Variants in IDUA observed in about 807,000 individuals in gnomAD.
The protein encoded by IDUA is iduronidase alpha-L-.
IDUA carries 65 observed loss-of-function variants against 68.9 expected under a neutral mutation model. The ratio of observed to expected loss-of-function variants is 0.94; its 90% CI spans 0.77 to 1.16. The LOEUF is 1.16. Among genes scored for constraint, IDUA ranks in the 50% most tolerant of loss-of-function variants. The probability of loss-of-function intolerance (pLI) is 0.00; values close to 1 mark genes in which losing one functional copy is unlikely to be tolerated. For missense variants in IDUA, 1,046 were observed against 938.0 expected (o/e 1.12, Z -1.50); for synonymous variants, 529 against 433.6 (o/e 1.22, Z -2.73).
At chr4:1,001,369 C>G (rs1715060861) in intron 4 of IDUA, 99 bp from the exon 5 acceptor site, 1 of 1,007,686 alleles carries the variant, frequency 9.9e-7, no homozygotes, top group Non-Finnish European at 1.6e-6. Context: ...TGGGGTTCAT[C>G]TTGAGTCAGA....
Position 1,000,598 on chromosome 4 carries a change from C to A in IDUA, c.300-14C>A. ...TGGGCACCCTGCTTCCTGACGCTGA[C>A]CGTCCTTCTGCAGGGGGTCCACTGG... On this transcript the variant is annotated splice_polypyrimidine_tract_variant and intron_variant, in intron 2 of 13. Transcript: ENST00000514224. The A allele has an allele frequency of 6.2e-7, 1 of 1,606,156 alleles. No individual in the cohort carries two copies. Among genetic ancestry groups the A allele is most frequent in the Non-Finnish European group, 8.5e-7 (1 of 1,173,888 alleles).
rs1349930737 is a variant in IDUA at position 1,001,269 on chromosome 4, C to T, written c.494-199C>T. ...GGCTGCACCCCTATCACCCAGGCCG[C>T]ACCCCTATCACCCAGGCCGCCGCCC... On this transcript the variant is annotated intron_variant, in intron 4 of 13. Coordinates refer to ENST00000514224, the MANE Select transcript of IDUA (RefSeq NM_000203.5). 7.7e-6 allele frequency: 5 copies of T among 646,960 alleles called. No homozygotes were observed. The Admixed American group carries it at 1.1e-4, about 14-fold the overall frequency. The allele number at this position is 646,960 out of a possible 1,614,324, so 40.1% of individuals were successfully genotyped here.
At chr4:988,214 G>T (rs1050589252) in intron 2 of IDUA, 4 of 1,338,014 alleles carry the variant, frequency 3.0e-6, no homozygotes, top group Admixed American at 3.3e-5. Context: ...GTGCACCCGT[G>T]AGCATCCCTG....
At chr4:995,784 G>A (rs996350225) in intron 2 of IDUA, among the ~76,000 whole-genome samples, 2 of 152,250 alleles carry the variant, frequency 1.3e-5, no homozygotes, top group African/African-American at 4.8e-5. Context: ...GCCAAGCGCT[G>A]CTAGTTCCCC....
intron 2 of IDUA, chr4:991,580 T>C (rs1427971155): frequency 6.2e-7 from 1 of 1,600,228 alleles, no homozygotes; most frequent in Non-Finnish European, 8.5e-7. Context: ...CACAGCACAC[T>C]GCACGAGCAG....
chr4:1,002,901 C>T lies in IDUA; in HGVS notation c.1359C>T (p.Ser453=). 2 of 1,411,606 alleles carry T rather than the reference C, an allele frequency of 1.4e-6. No homozygotes were observed. Among genetic ancestry groups the T allele is most frequent in the Non-Finnish European group, 1.8e-6 (2 of 1,089,478 alleles). 87.4% of individuals were successfully genotyped at this position (1,411,606 alleles called of 1,614,324 possible). The change falls in exon 9 of 14, where the codon AGC becomes AGT. Residue 453 remains serine, a synonymous_variant. Transcript: ENST00000514224. ...SDDTRAHPNR[S]VAVTLRLRGV... ...ACACCCGCGCCCACCCCAACCGCAG[C>T]GTCGCGGTGACCCTGCGGCTGCGCG...
chr4:999,283 T>C (rs553644262), intron 2 of IDUA, among the ~76,000 whole-genome samples: 1 of 152,178 alleles, frequency 6.6e-6, no homozygotes, highest in Non-Finnish European at 1.5e-5. Flanking sequence ...TGTTTCGCTC[T>C]GGGTCAGGGT....
rs1179225122 is a variant in IDUA, at chr4:998,005, C to T, written c.300-2607C>T. Among the ~76,000 whole-genome samples, 6 of 152,248 alleles carry T rather than the reference C, an allele frequency of 3.9e-5. No individual in the cohort carries two copies. The East Asian group carries it at 7.7e-4, about 20-fold the overall frequency. On this transcript the variant is annotated intron_variant, in intron 2 of 13. Transcript: ENST00000514224. ...GGGTCTTCACTTTCCTCCAGGTCAC[C>T]GTGCCCCGCTACTCCAACTCCGTGG... is the stretch of plus-strand genomic sequence containing the variant.
rs539959255 is a variant in IDUA, at chr4:988,303, G to A, written c.299+354G>A. ...AGGTCTCATCGGTCACAGCACCCTGGGCCCTGACGCTGGTGCAGGTGGCCA... is the reference window on the plus strand; with the variant it reads ...AGGTCTCATCGGTCACAGCACCCTGAGCCCTGACGCTGGTGCAGGTGGCCA... On this transcript the variant is annotated intron_variant, in intron 2 of 13. Coordinates refer to ENST00000514224, the MANE Select transcript of IDUA (RefSeq NM_000203.5). The A allele has an allele frequency of 5.3e-5, 59 of 1,123,736 alleles. No homozygotes were observed. The African/African-American group carries it at 7.1e-4, about 14-fold the overall frequency. The allele number at this position is 1,123,736 out of a possible 1,614,324, so 69.6% of individuals were successfully genotyped here. A position where few individuals can be genotyped will look rare whatever the true frequency, so the allele number is the denominator to read the frequency against.
chr4:1,004,039 C>G lies in IDUA; in HGVS notation c.1755C>G (p.Phe585Leu). Residue 585 changes from phenylalanine to leucine, a missense_variant, in exon 13 of 14, where the codon TTC becomes TTG. Coordinates refer to ENST00000514224, the MANE Select transcript of IDUA (RefSeq NM_000203.5). This position sits in a 1 kb window ranked among gnomAD's most constrained non-coding sequence, Gnocchi z 5.0. The stretch of plus-strand genomic sequence containing the variant: ...GCCTGTGGACATACGAGATCCAGTT[C>G]TCTCAGGACGGTAAGGCGTACACCC... ...SKCLWTYEIQ[F>L]SQDGKAYTPV... The G allele has an allele frequency of 6.2e-7, 1 of 1,612,218 alleles. No homozygotes were observed. The highest frequency in any genetic ancestry group is 8.5e-7 in the Non-Finnish European group (1 of 1,179,656).
chr4:988,903 C>T (rs1348721751), intron 2 of IDUA: 1 of 1,604,966 alleles, frequency 6.2e-7, no homozygotes, highest in Non-Finnish European at 8.5e-7. Flanking sequence ...ATCGTGCACA[C>T]TGAGGAACAG....
intron 2 of IDUA, among the ~76,000 whole-genome samples, chr4:1,000,251 A>T (rs952797429): frequency 2.6e-5 from 4 of 152,228 alleles, no homozygotes; most frequent in African/African-American, 9.7e-5. Flanking sequence ...GGCCTCCAGG[A>T]GGTGCAGAGA....
At position 991,425 on chromosome 4, in the gene IDUA, C is replaced by A. The variant is rs142651185; in HGVS notation, c.299+3476C>A. 1,106 of 1,612,824 alleles carry A rather than the reference C, an allele frequency of 6.9e-4. 5 individuals carry two copies. Among genetic ancestry groups the A allele is most frequent in the African/African-American group, 4.5e-3 (337 of 75,054 alleles). On this transcript the variant is annotated intron_variant, in intron 2 of 13. Coordinates refer to ENST00000514224, the MANE Select transcript of IDUA (RefSeq NM_000203.5). ...GGCTGTAGATGGGCTGCAGCCCGGC[C>A]AGCAATGAGTAGGCGATGGCCTGCG...
chr4:990,478 G>T, intron 2 of IDUA: 1 of 1,047,488 alleles, frequency 9.5e-7, no homozygotes, highest in Non-Finnish European at 1.4e-6. Flanking sequence ...ACAATTCTGT[G>T]TTGCGGCCCC....
intron 2 of IDUA, chr4:989,989 G>C: frequency 6.4e-7 from 1 of 1,562,710 alleles, no homozygotes; most frequent in Admixed American, 1.9e-5. Context: ...AGCCACGCTC[G>C]AGCCAAAGCG....
intron 2 of IDUA, 140 bp downstream of exon 2, chr4:988,089 C>A (rs1218353073): frequency 4.9e-5 from 71 of 1,451,488 alleles, no homozygotes; most frequent in Non-Finnish European, 6.1e-5. Flanking sequence ...CGTGTCCTTG[C>A]TGGCTGTGCT....
In IDUA at chr4:1,002,145, C is replaced by T. The variant is rs781534097; in HGVS notation, c.956C>T (p.Ala319Val). The change falls in exon 7 of 14, where the codon GCG (alanine) becomes GTG (valine). Residue 319 changes from alanine (A) to valine (V), a missense_variant. Coordinates refer to ENST00000514224, the MANE Select transcript of IDUA (RefSeq NM_000203.5). ...CCGTGGAGGGCGGACGTGACCTACG[C>T]GGCCATGGTGGTGAAGGTGGGCCGG... is the stretch of plus-strand genomic sequence containing the variant. ...PQPWRADVTYAAMVVKVIAQH... is the reference protein window; with the variant it reads ...PQPWRADVTYVAMVVKVIAQH... 3.8e-6 allele frequency: 6 copies of T among 1,559,160 alleles called. No individual in the cohort carries two copies. The highest frequency in any genetic ancestry group is 1.7e-4 in the Middle Eastern group (1 of 5,976).
chr4:1,002,365 C>T lies in IDUA; in HGVS notation c.1069C>T (p.Pro357Ser). The T allele has an allele frequency of 6.2e-7, 1 of 1,612,792 alleles. No homozygotes were observed. ...SNDNAFLSYHPHPFAQRTLTA... is the reference protein window; with the variant it reads ...SNDNAFLSYHSHPFAQRTLTA... ...CGACAATGCCTTCCTGAGCTACCAC[C>T]CGCACCCCTTCGCGCAGCGCACGCT... The change falls in exon 8 of 14, where the codon CCG (proline) becomes TCG (serine). Residue 357 changes from proline to serine, a missense_variant. Coordinates refer to ENST00000514224, the MANE Select transcript of IDUA (RefSeq NM_000203.5).
intron 1 of IDUA, among the ~76,000 whole-genome samples, 200 bp downstream of exon 1, chr4:987,442 C>T (rs1237379057): frequency 6.6e-6 from 1 of 152,194 alleles, no homozygotes; most frequent in Non-Finnish European, 1.5e-5. Flanking sequence ...CCGCCCCCTG[C>T]AGCCCAGGCC....
Sources: gnomAD v4.1 joint callset for allele counts (sites outside exome capture counted in the v4.1 genomes callset) on GRCh38, gnomAD v4.1.1 for gene constraint, Gnocchi (gnomAD v3.1) non-coding constraint, MANE v1.5 for transcripts, NCBI Gene and HGNC (gene_info 2026-07-23, HGNC 2026-07-21) for gene names.